ILRUN: variants seen among roughly 807,000 people sequenced by gnomAD.
ILRUN encodes the protein protein ILRUN.
In ILRUN, 3 loss-of-function variants were observed where a neutral mutation model predicts 33.8. The ratio of observed to expected loss-of-function variants is 0.09; its 90% confidence interval spans 0.04 to 0.23. The LOEUF (loss-of-function observed/expected upper bound fraction) is 0.23, where lower values mean the gene tolerates loss of function less well. Among genes scored for constraint, ILRUN ranks in the 10% least tolerant of loss-of-function variants. The pLI, the probability that ILRUN is intolerant of heterozygous loss-of-function variation, is 1.00. For synonymous variants in ILRUN, 124 were observed against 138.9 expected (o/e 0.89, Z 0.75); for missense variants, 210 against 375.1 (o/e 0.56, Z 3.64).
At chr6:34,664,612 C>A (rs1041999126) in intron 1 of ILRUN, among the ~76,000 whole-genome samples, 7 of 152,168 alleles carry the variant, frequency 4.6e-5, no homozygotes, top group African/African-American at 1.7e-4. Flanking sequence ...GGATACTTCC[C>A]AAAATGGGAA....
At chr6:34,605,369 T>C (rs796345432) in intron 4 of ILRUN, among the ~76,000 whole-genome samples, 130 of 148,724 alleles carry the variant, frequency 8.7e-4, no homozygotes, top group African/African-American at 3.0e-3. Context: ...GGTTCACACC[T>C]GTAATCCCAG....
chr6:34,638,176 C>G (rs930194491), intron 3 of ILRUN, among the ~76,000 whole-genome samples: 2 of 152,038 alleles, frequency 1.3e-5, no homozygotes, highest in African/African-American at 4.8e-5. Flanking sequence ...GCATGAGCCA[C>G]CATGCCGGGC....
At chr6:34,664,177 T>C (rs1338929437) in intron 1 of ILRUN, among the ~76,000 whole-genome samples, 3 of 152,376 alleles carry the variant, frequency 2.0e-5, no homozygotes, top group African/African-American at 7.2e-5. Flanking sequence ...GTGTGCGTTT[T>C]TAAGTCACAT....
At position 34,617,172 on chromosome 6, in the gene ILRUN, G is replaced by A. The variant is rs1582048302; in HGVS notation, c.512-10268C>T. On this transcript the variant is annotated intron_variant, in intron 3 of 4. Coordinates refer to ENST00000374023, the MANE Select transcript of ILRUN (RefSeq NM_024294.4). ...AATTATCTTCTGCATTAAGTGGAATGAAGAAAAAACTACACATTTTGTAGA... is the reference window on the plus strand; with the variant it reads ...AATTATCTTCTGCATTAAGTGGAATAAAGAAAAAACTACACATTTTGTAGA... 6.2e-5 allele frequency: 31 copies of A among 500,116 alleles called. 1 individual carries two copies. The highest frequency in any genetic ancestry group is 4.2e-4 in the South Asian group (28 of 67,444). The allele number at this position is 500,116 out of a possible 1,614,324, so 31.0% of individuals were successfully genotyped here.
rs1282405229 is a variant in ILRUN at position 34,617,167 on chromosome 6, G to A, written c.512-10263C>T. On this transcript the variant is annotated intron_variant, in intron 3 of 4. Transcript: ENST00000374023. ...CTTCAAATTATCTTCTGCATTAAGT[G>A]GAATGAAGAAAAAACTACACATTTT... 4 of 502,528 alleles carry A rather than the reference G, an allele frequency of 8.0e-6. No individual in the cohort carries two copies. In the East Asian group the frequency reaches 2.1e-4, roughly 27 times the overall value. The allele number at this position is 502,528 out of a possible 1,614,324, so 31.1% of individuals were successfully genotyped here.
At chr6:34,681,461 TAGAA>T (rs1169658435) in intron 1 of ILRUN, among the ~76,000 whole-genome samples, 8 of 152,272 alleles carry the variant, frequency 5.3e-5, no homozygotes, top group Non-Finnish European at 7.4e-5. Context: ...CAAGGTGATT[TAGAA>T]AGAGTTTAAA....
chr6:34,593,465 C>T (rs745658074), intron 4 of ILRUN, among the ~76,000 whole-genome samples: 6 of 152,140 alleles, frequency 3.9e-5, no homozygotes, highest in Non-Finnish European at 8.8e-5. Context: ...AGGTTCTATT[C>T]AATTGGAAGA....
chr6:34,650,195 G>C (rs1762632417), intron 2 of ILRUN, among the ~76,000 whole-genome samples: 1 of 152,058 alleles, frequency 6.6e-6, no homozygotes, highest in Non-Finnish European at 1.5e-5. Flanking sequence ...AGAGAATTCT[G>C]TCTACTCATA....
intron 3 of ILRUN, among the ~76,000 whole-genome samples, chr6:34,642,476 T>C (rs1182825897): frequency 6.6e-6 from 1 of 152,170 alleles, no homozygotes; most frequent in Non-Finnish European, 1.5e-5. Flanking sequence ...ATCAAGATCC[T>C]GAAGTATTTC....
intron 1 of ILRUN, among the ~76,000 whole-genome samples, chr6:34,667,744 T>A (rs1357045806): frequency 1.3e-5 from 2 of 152,200 alleles, no homozygotes; most frequent in Non-Finnish European, 2.9e-5. Context: ...ATAATCTGAT[T>A]CTAATCACGA....
intron 3 of ILRUN, among the ~76,000 whole-genome samples, chr6:34,608,720 T>C (rs947630430): frequency 6.6e-6 from 1 of 152,190 alleles, no homozygotes; most frequent in African/African-American, 2.4e-5. Flanking sequence ...TACAAGACTA[T>C]AGAGGGAAAC....
rs1179645454 is a variant in ILRUN at position 34,644,822 on chromosome 6, C to T, written c.511+1779G>A. On this transcript the variant is annotated intron_variant, in intron 3 of 4. Coordinates refer to ENST00000374023, the MANE Select transcript of ILRUN (RefSeq NM_024294.4). ...CAGGCAGGGCCTTGAGGATGAGCAG[C>T]AGTTTGGTGAAATAAAAGGATATTT... Among the ~76,000 whole-genome samples the T allele has an allele frequency of 2.0e-5, 3 of 151,902 alleles. No homozygotes were observed. In the South Asian group the frequency reaches 6.2e-4, roughly 32 times the overall value.
At chr6:34,601,355 C>T (rs950267250) in intron 4 of ILRUN, among the ~76,000 whole-genome samples, 9 of 152,156 alleles carry the variant, frequency 5.9e-5, no homozygotes, top group African/African-American at 1.2e-4. Flanking sequence ...CAAGTTACAC[C>T]GATTTTCCAT....
At position 34,684,150 on chromosome 6, in the gene ILRUN, A is replaced by G. The variant is rs565486542; in HGVS notation, c.158+12296T>C. ...TTTTACTTCTCTTGAAAAAAAATAG[A>G]AAAATCTAACACTGGACCCCCATTC... On this transcript the variant is annotated intron_variant, in intron 1 of 4. Transcript: ENST00000374023. Among the ~76,000 whole-genome samples, 7 of 152,262 alleles carry G rather than the reference A, an allele frequency of 4.6e-5. No individual in the cohort carries two copies. The South Asian group carries it at 1.2e-3, about 27-fold the overall frequency.
chr6:34,651,570 C>T (rs907789039), intron 2 of ILRUN, among the ~76,000 whole-genome samples: 1 of 152,070 alleles, frequency 6.6e-6, no homozygotes, highest in South Asian at 2.1e-4. Context: ...AACATTTCAA[C>T]AGTACTCTAA....
At chr6:34,651,725 CTCAT>C (rs1762672693) in intron 2 of ILRUN, among the ~76,000 whole-genome samples, 1 of 129,816 alleles carries the variant, frequency 7.7e-6, no homozygotes, top group African/African-American at 3.3e-5. Flanking sequence ...CCAAACAAAC[CTCAT>C]TTATTAAAAA....
intron 3 of ILRUN, among the ~76,000 whole-genome samples, chr6:34,634,582 A>C (rs1762316659): frequency 1.3e-5 from 2 of 152,162 alleles, no homozygotes; most frequent in Non-Finnish European, 2.9e-5. Context: ...GAAAAAGAGA[A>C]GAGACACAAA....
At chr6:34,608,092 T>TAA (rs71538249) in intron 3 of ILRUN, among the ~76,000 whole-genome samples, 7 of 144,262 alleles carry the variant, frequency 4.9e-5, no homozygotes, top group Non-Finnish European at 6.1e-5. Flanking sequence ...CACCCTGTCT[T>TAA]AAAAAAAAAA....
At chr6:34,683,534 T>TATATATA (rs1562033474) in intron 1 of ILRUN, among the ~76,000 whole-genome samples, 4 of 131,316 alleles carry the variant, frequency 3.0e-5, no homozygotes, top group African/African-American at 1.2e-4. Context: ...ATATACATAT[T>TATATATA]GCACAGAATA....
Sources: gnomAD v4.1 joint callset for allele counts (sites outside exome capture counted in the v4.1 genomes callset) on GRCh38, gnomAD v4.1.1 for gene constraint, MANE v1.5 for transcripts, NCBI Gene and HGNC (gene_info 2026-07-23, HGNC 2026-07-21) for gene names.